Variants in GKN1 observed in about 807,000 individuals in gnomAD.
The protein encoded by GKN1 is gastrokine 1.
GKN1 carries 17 observed loss-of-function variants against 19.7 expected under a neutral mutation model. The ratio of observed to expected loss-of-function variants is 0.86; its 90% CI spans 0.59 to 1.29. The LOEUF is 1.29. Ranked by LOEUF, GKN1 falls within the 50% of genes most tolerant of loss-of-function variation. GKN1 has a pLI of 0.00. For missense variants in GKN1, 218 were observed against 224.5 expected (o/e 0.97, Z 0.19); for synonymous variants, 96 against 78.3 (o/e 1.23, Z -1.20).
rs1240716256 is a variant in GKN1, at chr2:68,980,073, C to G, written c.463+13C>G. The G allele has an allele frequency of 1.9e-6, 3 of 1,608,022 alleles. No individual in the cohort carries two copies. In the South Asian group the frequency reaches 3.3e-5, roughly 18 times the overall value. The stretch of plus-strand genomic sequence containing the variant: ...GAGGAGATGCAAGGTGAGTAGCATC[C>G]CTACTGTGCACCCCAAGTTAGTGCT... On this transcript the variant is annotated intron_variant, in intron 5 of 5. Coordinates refer to ENST00000377938, the MANE Select transcript of GKN1 (RefSeq NM_019617.4).
In GKN1 at chr2:68,977,861, AT is replaced by A. The variant is rs1670287679; in HGVS notation, c.204+89del. On this transcript the variant is annotated intron_variant, in intron 3 of 5. Coordinates refer to ENST00000377938, the MANE Select transcript of GKN1 (RefSeq NM_019617.4). The stretch of plus-strand genomic sequence containing the variant: ...AAATGTGCATGTTAACCATAAAGAA[AT>A]TAAAAATAAATTCTAATTACACATA... 1.1e-5 allele frequency: 12 copies of A among 1,105,780 alleles called. No individual in the cohort carries two copies. The South Asian group carries it at 1.5e-4, about 14-fold the overall frequency. The allele number at this position is 1,105,780 out of a possible 1,614,324, so 68.5% of individuals were successfully genotyped here.
In GKN1 at chr2:68,980,787, G is replaced by T; in HGVS notation, c.522G>T (p.Val174=). ...ACACGACCAGTGTACTATGGATTGT[G>T]GACATTTCCTTCTGTGGAGACACGG... The part of the protein sequence containing the change: ...TCYTTSVLWI[V]DISFCGDTVE... The change falls in exon 6 of 6, where the codon GTG becomes GTT. Residue 174 remains valine, a synonymous_variant. Coordinates refer to ENST00000377938, the MANE Select transcript of GKN1 (RefSeq NM_019617.4). 2 of 1,593,330 alleles carry T rather than the reference G, an allele frequency of 1.3e-6. No homozygotes were observed. Among genetic ancestry groups the T allele is most frequent in the South Asian group, 2.2e-5 (2 of 90,666 alleles).
chr2:68,975,528 C>G (rs1670246480), intron 1 of GKN1, among the ~76,000 whole-genome samples: 1 of 152,088 alleles, frequency 6.6e-6, no homozygotes, highest in Non-Finnish European at 1.5e-5. Flanking sequence ...AATCAGATGA[C>G]TATTTTCATG....
rs760833410 is a variant in GKN1 at position 68,977,549 on chromosome 2, G to A, written c.66+1G>A. On this transcript the variant is annotated splice_donor_variant, in intron 2 of 5. Coordinates refer to ENST00000377938, the MANE Select transcript of GKN1 (RefSeq NM_019617.4). LOFTEE classifies it high-confidence loss of function. ...TCTAGCTCCTGCCCTAGCTAACTATGTAAGTCTCACCTTTTCAAGTTTGCT... is the reference window on the plus strand; with the variant it reads ...TCTAGCTCCTGCCCTAGCTAACTATATAAGTCTCACCTTTTCAAGTTTGCT... 3.7e-6 allele frequency: 6 copies of A among 1,608,484 alleles called. No individual in the cohort carries two copies. The South Asian group carries it at 6.6e-5, about 18-fold the overall frequency.
chr2:68,977,237 C>A (rs1205189122), intron 1 of GKN1, among the ~76,000 whole-genome samples: 1 of 152,074 alleles, frequency 6.6e-6, no homozygotes, highest in African/African-American at 2.4e-5. Context: ...ATTTTTCCAG[C>A]GTTTCATAAG....
At chr2:68,974,777 C>G in intron 1 of GKN1, 88 bp downstream of exon 1, 1 of 874,954 alleles carries the variant, frequency 1.1e-6, no homozygotes, top group Non-Finnish European at 2.0e-6. Context: ...TCTTATGGCC[C>G]CATCATGGAA....
Position 68,978,946 on chromosome 2 carries a change from A to C in GKN1, c.280A>C (p.Ile94Leu), listed in dbSNP as rs1670318454. 1 of 1,604,094 alleles carries C rather than the reference A, an allele frequency of 6.2e-7. No individual in the cohort carries two copies. Among genetic ancestry groups the C allele is most frequent in the Non-Finnish European group, 8.5e-7 (1 of 1,171,138 alleles). ...AATGAACAAGGAAGTCATGCCCTCC[A>C]TTCAATCCCTTGATGCACTGGTCAA... The part of the protein sequence containing the change: ...HKMNKEVMPS[I>L]QSLDALVKEK... Residue 94 changes from isoleucine to leucine, a missense_variant, in exon 4 of 6, where the codon ATT (isoleucine) becomes CTT (leucine). Ile to Leu is a conservative substitution (Grantham distance 5, BLOSUM62 2). Transcript: ENST00000377938.
rs1670347091 is a variant in GKN1 at position 68,980,792 on chromosome 2, T to C, written c.527T>C (p.Ile176Thr). 6.3e-7 allele frequency: 1 copy of C among 1,589,160 alleles called. No homozygotes were observed. The highest frequency in any genetic ancestry group is 1.1e-5 in the South Asian group (1 of 90,570). ...ACCAGTGTACTATGGATTGTGGACA[T>C]TTCCTTCTGTGGAGACACGGTGGAG... is the stretch of plus-strand genomic sequence containing the variant. ...YTTSVLWIVD[I>T]SFCGDTVEN The change falls in exon 6 of 6, where the codon ATT becomes ACT. Residue 176 changes from isoleucine to threonine, a missense_variant. Physicochemically the swap from Ile to Thr is moderately conservative, Grantham distance 89. Coordinates refer to ENST00000377938, the MANE Select transcript of GKN1 (RefSeq NM_019617.4).
At chr2:68,979,312 A>G (rs1173843884) in intron 4 of GKN1, among the ~76,000 whole-genome samples, 1 of 152,220 alleles carries the variant, frequency 6.6e-6, no homozygotes, top group Non-Finnish European at 1.5e-5. Flanking sequence ...TAGCAAATGA[A>G]AATAGAAGAT....
At position 68,980,879 on chromosome 2, in the gene GKN1, A is replaced by C. The variant is rs966858361; in HGVS notation, c.*56A>C. 8.2e-6 allele frequency: 7 copies of C among 856,320 alleles called. No homozygotes were observed. In the Admixed American group the frequency reaches 8.9e-5, roughly 11 times the overall value. 53.0% of individuals were successfully genotyped at this position (856,320 alleles called of 1,614,324 possible). A position where few individuals can be genotyped will look rare whatever the true frequency, so the allele number is the denominator to read the frequency against. ...CATCTGAATATGCTGTGCAGAAAAA[A>C]TATGGGCTCCAGTGGTTTTTACCAT... On this transcript the variant is annotated 3_prime_UTR_variant, in exon 6 of 6. Coordinates refer to ENST00000377938, the MANE Select transcript of GKN1 (RefSeq NM_019617.4).
intron 1 of GKN1, among the ~76,000 whole-genome samples, chr2:68,976,846 C>T (rs1388843035): frequency 6.6e-6 from 1 of 152,064 alleles, no homozygotes; most frequent in African/African-American, 2.4e-5. Context: ...ATAAGAAAGG[C>T]AGTTCTCTAC....
rs369768642 is a variant in GKN1, at chr2:68,977,819, G to A, written c.204+45G>A. ...TTTTCACTTTATTGTTTAAAAATAC[G>A]ATTTCTTTTTAACAAAAAATGTGCA... On this transcript the variant is annotated intron_variant, in intron 3 of 5. Transcript: ENST00000377938. 41 of 1,484,460 alleles carry A rather than the reference G, an allele frequency of 2.8e-5. No individual in the cohort carries two copies. The South Asian group carries it at 3.6e-4, about 13-fold the overall frequency. The allele number at this position is 1,484,460 out of a possible 1,614,324, so 92.0% of individuals were successfully genotyped here. A position where few individuals can be genotyped will look rare whatever the true frequency, so the allele number is the denominator to read the frequency against.
rs376456930 is a variant in GKN1 at position 68,978,949 on chromosome 2, C to G, written c.283C>G (p.Gln95Glu). The G allele has an allele frequency of 1.8e-5, 29 of 1,600,504 alleles. No homozygotes were observed. Among genetic ancestry groups the G allele is most frequent in the Non-Finnish European group, 2.3e-5 (27 of 1,167,756 alleles). ...KMNKEVMPSI[Q>E]SLDALVKEKK... ...GAACAAGGAAGTCATGCCCTCCATTCAATCCCTTGATGCACTGGTCAAGGA... is the reference window on the plus strand; with the variant it reads ...GAACAAGGAAGTCATGCCCTCCATTGAATCCCTTGATGCACTGGTCAAGGA... Residue 95 changes from glutamine (Q) to glutamate (E), a missense_variant, in exon 4 of 6, where the codon CAA (glutamine) becomes GAA (glutamate). By Grantham distance (29) the Gln-to-Glu change is conservative. Coordinates refer to ENST00000377938, the MANE Select transcript of GKN1 (RefSeq NM_019617.4).
At chr2:68,978,456 C>A (rs532024282) in intron 3 of GKN1, among the ~76,000 whole-genome samples, 12 of 152,102 alleles carry the variant, frequency 7.9e-5, no homozygotes, top group African/African-American at 2.2e-4. Context: ...ATTTAACAAA[C>A]GTTATACTTT....
chr2:68,977,955 T>A, intron 3 of GKN1, 181 bp downstream of exon 3: 2 of 593,086 alleles, frequency 3.4e-6, no homozygotes, highest in Non-Finnish European at 6.0e-6. Flanking sequence ...TAACTACTGT[T>A]AATAAGTGTT....
intron 3 of GKN1, 90 bp downstream of exon 3, chr2:68,977,864 A>C: frequency 1.8e-6 from 2 of 1,088,782 alleles, no homozygotes; most frequent in Non-Finnish European, 2.7e-6. Flanking sequence ...TAAAGAAATT[A>C]AAAATAAATT....
intron 4 of GKN1, among the ~76,000 whole-genome samples, chr2:68,979,626 G>A (rs763478347): frequency 6.6e-6 from 1 of 152,154 alleles, no homozygotes; most frequent in Non-Finnish European, 1.5e-5. Context: ...TCTAATCCAA[G>A]GAATCTATGA....
intron 4 of GKN1, among the ~76,000 whole-genome samples, 174 bp from the exon 5 acceptor site, chr2:68,979,739 A>G (rs1043081793): frequency 4.6e-5 from 7 of 152,210 alleles, no homozygotes; most frequent in Non-Finnish European, 2.9e-5. Context: ...GACACTTAGA[A>G]ATGCTAAGAT....
Position 68,974,656 on chromosome 2 carries a change from C to A in GKN1, c.-22C>A. ...GGTCCATGCTTGCCTACTCCTCTGT[C>A]CACTGCTTTCGTGAAGACAAGATGA... On this transcript the variant is annotated 5_prime_UTR_variant, in exon 1 of 6. Transcript: ENST00000377938. 6.2e-7 allele frequency: 1 copy of A among 1,604,870 alleles called. No individual in the cohort carries two copies. Among genetic ancestry groups the A allele is most frequent in the Non-Finnish European group, 8.5e-7 (1 of 1,171,604 alleles).
Sources: gnomAD v4.1 joint callset for allele counts (sites outside exome capture counted in the v4.1 genomes callset) on GRCh38, gnomAD v4.1.1 for gene constraint, MANE v1.5 for transcripts, NCBI Gene and HGNC (gene_info 2026-07-23, HGNC 2026-07-21) for gene names.